Variants in PCDHGB2 observed in about 807,000 individuals in gnomAD.
PCDHGB2 encodes the protein protocadherin gamma-B2.
PCDHGB2 carries 55 observed loss-of-function variants against 59.3 expected under a neutral mutation model. The ratio of observed to expected loss-of-function variants is 0.93; its 90% CI spans 0.75 to 1.16. The LOEUF is 1.16. PCDHGB2 is among the 50% of genes most tolerant of loss of function. PCDHGB2 has a pLI of 0.00. For missense variants in PCDHGB2, 1,228 were observed against 1,198.5 expected, an observed-to-expected ratio of 1.02 and a Z score of -0.36; for synonymous variants, 516 against 512.0, an observed-to-expected ratio of 1.01 and a Z score of -0.11.
chr5:141,490,473 T>C lies in PCDHGB2; in HGVS notation c.2422-4334T>C. 6.2e-7 allele frequency: 1 copy of C among 1,614,228 alleles called. No homozygotes were observed. Among genetic ancestry groups the C allele is most frequent in the East Asian group, 2.2e-5 (1 of 44,878 alleles). On this transcript the variant is annotated intron_variant, in intron 1 of 3. Transcript: ENST00000522605. This position sits in a 1 kb window ranked among gnomAD's most constrained non-coding sequence, Gnocchi z 5.4. ...ACTACTCGCTGCTAACCAGCCAGCC[T>C]TTGGACCGGGAGGCCACATCCCACT...
At chr5:141,433,691 G>A (rs2097644575) in intron 1 of PCDHGB2, among the ~76,000 whole-genome samples, 1 of 152,044 alleles carries the variant, frequency 6.6e-6, no homozygotes, top group Non-Finnish European at 1.5e-5. Flanking sequence ...TACAAAATTA[G>A]CCGGGCGTGG....
At chr5:141,422,769 T>C (rs1274700138) in intron 1 of PCDHGB2, 1 of 1,613,852 alleles carries the variant, frequency 6.2e-7, no homozygotes, top group Admixed American at 1.7e-5. Context: ...ACACTGGTGT[T>C]CTCTATGCCC....
At chr5:141,481,191 C>A (rs1244434918) in intron 1 of PCDHGB2, among the ~76,000 whole-genome samples, 1 of 152,148 alleles carries the variant, frequency 6.6e-6, no homozygotes, top group Non-Finnish European at 1.5e-5. Context: ...GGGCCAGGCC[C>A]AATTTTTTTA....
At chr5:141,422,053 G>A in intron 1 of PCDHGB2, 1 of 1,611,606 alleles carries the variant, frequency 6.2e-7, no homozygotes, top group Non-Finnish European at 8.5e-7. Context: ...GGGAATCAAC[G>A]GGGAAGTAAT....
intron 1 of PCDHGB2, chr5:141,400,367 C>A (rs372561902): frequency 6.8e-5 from 110 of 1,613,946 alleles, no homozygotes; most frequent in Non-Finnish European, 8.8e-5. Flanking sequence ...TTGCCTTATT[C>A]CTACAACCTA....
At chr5:141,449,266 G>T (rs1398403120) in intron 1 of PCDHGB2, among the ~76,000 whole-genome samples, 1 of 152,042 alleles carries the variant, frequency 6.6e-6, no homozygotes, top group Non-Finnish European at 1.5e-5. Context: ...ACAAAGAACT[G>T]TATCTCCTTC....
chr5:141,399,515 C>A, intron 1 of PCDHGB2: 13 of 1,614,040 alleles, frequency 8.1e-6, no homozygotes, highest in Non-Finnish European at 1.1e-5. Flanking sequence ...AACAACCCTC[C>A]TGGGGCCTCC....
At position 141,409,480 on chromosome 5, in the gene PCDHGB2, CAG is replaced by C. The variant is rs761811893; in HGVS notation, c.2421+46925_2421+46926del. 9 of 1,614,002 alleles carry C rather than the reference CAG, an allele frequency of 5.6e-6. No homozygotes were observed. In the Admixed American group the frequency reaches 8.3e-5, roughly 15 times the overall value. On this transcript the variant is annotated intron_variant, in intron 1 of 3. Transcript: ENST00000522605. ...ACAATGTCACCATCGTAGCCACTGA[CAG>C]GGGCAAGCCGCCTCTTTCTTCCAGT...
At chr5:141,410,846 TGTC>T (rs1025068052) in intron 1 of PCDHGB2, 5 of 423,660 alleles carry the variant, frequency 1.2e-5, no homozygotes, top group South Asian at 4.0e-5. Flanking sequence ...ATTTTGTCTT[TGTC>T]TTTTTTTTTT....
In PCDHGB2 at chr5:141,398,897, C is replaced by A. The variant is rs761364649; in HGVS notation, c.2421+36341C>A. On this transcript the variant is annotated intron_variant, in intron 1 of 3. Coordinates refer to ENST00000522605, the MANE Select transcript of PCDHGB2 (RefSeq NM_018923.3). The stretch of plus-strand genomic sequence containing the variant: ...GTCAGCCTTCGGGAAAACGTGCCAC[C>A]AGGCACCACTGTGTTGCAAGTGTCA... 6 of 1,613,932 alleles carry A rather than the reference C, an allele frequency of 3.7e-6. No homozygotes were observed. The South Asian group carries it at 6.6e-5, about 18-fold the overall frequency.
At chr5:141,409,674 TAGTGGCG>T in intron 1 of PCDHGB2, 1 of 1,613,414 alleles carries the variant, frequency 6.2e-7, no homozygotes, top group Non-Finnish European at 8.5e-7. Flanking sequence ...TCCTACTCTA[TAGTGGCG>T]AGTGACCTAG....
intron 1 of PCDHGB2, chr5:141,365,567 GA>G: frequency 6.2e-7 from 1 of 1,613,698 alleles, no homozygotes; most frequent in Non-Finnish European, 8.5e-7. Flanking sequence ...CCTGGACAGA[GA>G]AGAGACTTCA....
At chr5:141,433,604 G>A (rs2097631609) in intron 1 of PCDHGB2, among the ~76,000 whole-genome samples, 1 of 152,138 alleles carries the variant, frequency 6.6e-6, no homozygotes, top group Non-Finnish European at 1.5e-5. Flanking sequence ...GGGAGGCCGA[G>A]GCGGGTGGAT....
In PCDHGB2 at chr5:141,486,866, G is replaced by A; in HGVS notation, c.2422-7941G>A. Reference sequence around the variant, plus strand: ...GGACCTCAATGACAATGCTCCAGCTGTGCTCCGTCCTCGGGCCCGGCCTGG... The same window carrying A: ...GGACCTCAATGACAATGCTCCAGCTATGCTCCGTCCTCGGGCCCGGCCTGG... On this transcript the variant is annotated intron_variant, in intron 1 of 3. Transcript: ENST00000522605. The surrounding 1 kb of genome is among the most constrained non-coding windows in gnomAD (Gnocchi z 5.0). 6.2e-7 allele frequency: 1 copy of A among 1,614,202 alleles called. No homozygotes were observed. The highest frequency in any genetic ancestry group is 8.5e-7 in the Non-Finnish European group (1 of 1,180,038).
chr5:141,374,223 A>G (rs761001587), intron 1 of PCDHGB2: 2 of 1,614,020 alleles, frequency 1.2e-6, no homozygotes, highest in South Asian at 2.2e-5. Flanking sequence ...TTCGTAGGCA[A>G]CATCGTCAAG....
chr5:141,409,577 G>A, intron 1 of PCDHGB2: 1 of 1,613,920 alleles, frequency 6.2e-7, no homozygotes, highest in South Asian at 1.1e-5. Context: ...GTCCTACGTG[G>A]TCCACGTGGC....
chr5:141,398,018 A>G, intron 1 of PCDHGB2: 1 of 1,425,774 alleles, frequency 7.0e-7, no homozygotes, highest in East Asian at 2.5e-5. Flanking sequence ...TCGTTTCCTA[A>G]ACTGGAACTG....
intron 1 of PCDHGB2, chr5:141,366,009 C>T (rs750100968): frequency 6.2e-6 from 10 of 1,614,108 alleles, no homozygotes; most frequent in African/African-American, 2.7e-5. Flanking sequence ...GACAATACGC[C>T]TGAGATCCTG....
chr5:141,432,511 C>T lies in PCDHGB2; in HGVS notation c.2422-62296C>T. ...AGCTGGCTCCCCGCTCCGCAGAGCC[C>T]GGCTACCTGGTGACCAAGGTGGTGG... is the stretch of plus-strand genomic sequence containing the variant. On this transcript the variant is annotated intron_variant, in intron 1 of 3. Coordinates refer to ENST00000522605, the MANE Select transcript of PCDHGB2 (RefSeq NM_018923.3). This position sits in a 1 kb window ranked among gnomAD's most constrained non-coding sequence, Gnocchi z 6.0. 1 of 1,614,118 alleles carries T rather than the reference C, an allele frequency of 6.2e-7. No homozygotes were observed. The highest frequency in any genetic ancestry group is 8.5e-7 in the Non-Finnish European group (1 of 1,180,042).
Sources: gnomAD v4.1 joint callset for allele counts (sites outside exome capture counted in the v4.1 genomes callset) on GRCh38, gnomAD v4.1.1 for gene constraint, Gnocchi (gnomAD v3.1) non-coding constraint, MANE v1.5 for transcripts, NCBI Gene and HGNC (gene_info 2026-07-23, HGNC 2026-07-21) for gene names.